Variants in CNBD1 observed in about 807,000 individuals in gnomAD.
CNBD1 encodes cyclic nucleotide-binding domain-containing protein 1.
A neutral mutation model predicts 54.4 loss-of-function variants in CNBD1; 71 were observed. That is an observed-to-expected ratio of 1.30 (90% CI 1.08 to 1.59). The LOEUF (loss-of-function observed/expected upper bound fraction) is 1.59. CNBD1 is among the 40% of genes most tolerant of loss of function. The pLI, the probability that CNBD1 is intolerant of heterozygous loss-of-function variation, is 0.00. For missense variants in CNBD1, 659 were observed against 518.0 expected (o/e 1.27, Z -2.64); for synonymous variants, 182 against 170.7 (o/e 1.07, Z -0.51).
chr8:87,279,852 G>A (rs1808560668), intron 6 of CNBD1, among the ~76,000 whole-genome samples: 1 of 151,118 alleles, frequency 6.6e-6, no homozygotes, highest in Non-Finnish European at 1.5e-5. Context: ...TATGTATGAG[G>A]GACATAATAG....
At chr8:86,963,385 C>T (rs80224687) in intron 4 of CNBD1, among the ~76,000 whole-genome samples, 8 of 152,100 alleles carry the variant, frequency 5.3e-5, no homozygotes, top group Admixed American at 3.9e-4. Flanking sequence ...CTTCGACTCC[C>T]GCTGTCATCT....
chr8:86,979,905 A>G (rs1216247516), intron 4 of CNBD1, among the ~76,000 whole-genome samples: 1 of 152,186 alleles, frequency 6.6e-6, no homozygotes, highest in Non-Finnish European at 1.5e-5. Flanking sequence ...ATGTTGTTGA[A>G]AAATGTGACA....
chr8:86,971,390 G>A (rs1178822198), intron 4 of CNBD1, among the ~76,000 whole-genome samples: 1 of 152,032 alleles, frequency 6.6e-6, no homozygotes, highest in Non-Finnish European at 1.5e-5. Context: ...CAACAAATGG[G>A]GATTGCAATT....
intron 2 of CNBD1, among the ~76,000 whole-genome samples, chr8:86,893,580 A>C (rs889519711): frequency 1.3e-5 from 2 of 152,176 alleles, no homozygotes; most frequent in African/African-American, 4.8e-5. Context: ...TCAGAAACAA[A>C]TCATTCTTTC....
At chr8:87,309,935 C>A (rs1809230059) in intron 8 of CNBD1, among the ~76,000 whole-genome samples, 3 of 152,088 alleles carry the variant, frequency 2.0e-5, no homozygotes, top group Non-Finnish European at 1.5e-5. Context: ...TACCTAGAAA[C>A]CCCTAAAAAC....
At chr8:87,219,198 G>A (rs183068920) in intron 5 of CNBD1, among the ~76,000 whole-genome samples, 3 of 151,938 alleles carry the variant, frequency 2.0e-5, no homozygotes, top group Non-Finnish European at 4.4e-5. Flanking sequence ...AAATCAAAAA[G>A]CATTTTCATT....
rs773247256 is a variant in CNBD1 at position 87,286,918 on chromosome 8, CTG to C, written c.1042+249_1042+250del. Among the ~76,000 whole-genome samples, 9 of 152,248 alleles carry C rather than the reference CTG, an allele frequency of 5.9e-5. No individual in the cohort carries two copies. The East Asian group carries it at 9.7e-4, about 16-fold the overall frequency. The stretch of plus-strand genomic sequence containing the variant: ...TAACATCTCTCTCTACTCCCTTTAA[CTG>C]TTCCGCACTTGCTCCACCCTGACAG... On this transcript the variant is annotated intron_variant, in intron 8 of 10. Coordinates refer to ENST00000518476, the MANE Select transcript of CNBD1 (RefSeq NM_173538.3).
rs557261437 is a variant in CNBD1, at chr8:87,066,970, A to G, written c.431+127216A>G. 1.1e-4 allele frequency among the ~76,000 whole-genome samples: 16 copies of G among 152,090 alleles called. No individual in the cohort carries two copies. The South Asian group carries it at 3.3e-3, about 31-fold the overall frequency. Reference sequence around the variant, plus strand: ...AAGAAAAAGCTTTGGAGTAGATGATATTGAAGATATGTTCCTGATCTAAAA... The same window carrying G: ...AAGAAAAAGCTTTGGAGTAGATGATGTTGAAGATATGTTCCTGATCTAAAA... On this transcript the variant is annotated intron_variant, in intron 4 of 10. Transcript: ENST00000518476.
intron 4 of CNBD1, among the ~76,000 whole-genome samples, chr8:86,984,764 C>A (rs370589297): frequency 1.3e-5 from 2 of 152,158 alleles, no homozygotes; most frequent in Admixed American, 6.5e-5. Context: ...GCCCATACCC[C>A]CATTGTATCT....
At chr8:86,870,486 C>T (rs1456294784) in intron 1 of CNBD1, among the ~76,000 whole-genome samples, 2 of 151,960 alleles carry the variant, frequency 1.3e-5, no homozygotes, top group Non-Finnish European at 1.5e-5. Flanking sequence ...TGTGAGCCAC[C>T]GCGCCTGGCC....
At chr8:87,413,161 G>A (rs747334890) in intron 2 of CNBD1, among the ~76,000 whole-genome samples, 6 of 152,006 alleles carry the variant, frequency 3.9e-5, no homozygotes, top group Non-Finnish European at 8.8e-5. Flanking sequence ...GTGGGAACGT[G>A]GCTTGTGGAT....
intron 4 of CNBD1, among the ~76,000 whole-genome samples, chr8:87,017,927 T>G (rs1016383070): frequency 5.9e-5 from 9 of 152,286 alleles, no homozygotes; most frequent in Non-Finnish European, 4.4e-5. Flanking sequence ...TATTTTTAGG[T>G]AAAGTTTCAG....
chr8:86,927,755 T>A (rs972058448), intron 3 of CNBD1, among the ~76,000 whole-genome samples: 9 of 151,794 alleles, frequency 5.9e-5, no homozygotes, highest in Admixed American at 5.9e-4. Context: ...GTGTTAAAGA[T>A]TACATAGGTT....
intron 4 of CNBD1, among the ~76,000 whole-genome samples, chr8:86,987,914 G>A (rs543728451): frequency 2.6e-5 from 4 of 152,152 alleles, no homozygotes; most frequent in Middle Eastern, 3.4e-3. Context: ...ATTTTGTTCA[G>A]AACTTTTGTG....
chr8:86,959,893 G>A (rs1201864602), intron 4 of CNBD1, among the ~76,000 whole-genome samples: 4 of 152,174 alleles, frequency 2.6e-5, no homozygotes, highest in Non-Finnish European at 5.9e-5. Context: ...GTGTTCCGTT[G>A]TTGGCGAGGA....
intron 4 of CNBD1, among the ~76,000 whole-genome samples, chr8:87,055,944 TTCCA>T (rs1810409195): frequency 8.1e-6 from 1 of 123,540 alleles, no homozygotes; most frequent in Admixed American, 8.9e-5. Context: ...CCTTCCTTCC[TTCCA>T]AAAACTTCAG....
intron 6 of CNBD1, among the ~76,000 whole-genome samples, chr8:87,266,606 C>T (rs552644536): frequency 1.3e-5 from 2 of 151,626 alleles, no homozygotes; most frequent in African/African-American, 4.8e-5. Flanking sequence ...CGTGTGCCAC[C>T]ACCCCGGCTA....
At chr8:87,063,461 G>C (rs1810585352) in intron 4 of CNBD1, among the ~76,000 whole-genome samples, 1 of 151,976 alleles carries the variant, frequency 6.6e-6, no homozygotes, top group Non-Finnish European at 1.5e-5. Flanking sequence ...TTAGTTCTGG[G>C]CTCTATTTTC....
At chr8:87,078,532 T>C (rs990315767) in intron 4 of CNBD1, among the ~76,000 whole-genome samples, 1 of 152,204 alleles carries the variant, frequency 6.6e-6, no homozygotes, top group Non-Finnish European at 1.5e-5. Context: ...AAACATTATT[T>C]GTTTGAGGGG....
Sources: gnomAD v4.1 joint callset for allele counts (sites outside exome capture counted in the v4.1 genomes callset) on GRCh38, gnomAD v4.1.1 for gene constraint, MANE v1.5 for transcripts, NCBI Gene and HGNC (gene_info 2026-07-23, HGNC 2026-07-21) for gene names.